Variants in HCN1 observed in about 807,000 individuals in gnomAD.
HCN1 encodes the protein potassium/sodium hyperpolarization-activated cyclic nucleotide-gated channel 1.
A neutral mutation model predicts 78.9 loss-of-function variants in HCN1; 13 were observed. That is an observed-to-expected ratio of 0.16 (90% CI 0.11 to 0.26). The LOEUF is 0.26. HCN1 is among the 10% of genes least tolerant of loss of function. HCN1 has a pLI of 1.00. For synonymous variants in HCN1, 552 were observed against 455.5 expected, an observed-to-expected ratio of 1.21 and a Z score of -2.70; for missense variants, 810 against 1,154.3, an observed-to-expected ratio of 0.70 and a Z score of 4.32.
intron 6 of HCN1, among the ~76,000 whole-genome samples, chr5:45,290,185 C>A (rs1186460386): frequency 1.3e-5 from 2 of 151,998 alleles, no homozygotes; most frequent in African/African-American, 4.8e-5. Flanking sequence ...TTCTCCTTTG[C>A]CTTCTACCAT....
intron 5 of HCN1, among the ~76,000 whole-genome samples, chr5:45,343,275 T>C (rs1746622166): frequency 6.6e-6 from 1 of 152,188 alleles, no homozygotes. Context: ...CAATTTATAA[T>C]GCAAAGACTG....
At chr5:45,446,152 C>A (rs535375629) in intron 3 of HCN1, among the ~76,000 whole-genome samples, 30 of 152,096 alleles carry the variant, frequency 2.0e-4, no homozygotes, top group Admixed American at 7.2e-4. Flanking sequence ...AAAATTTAGA[C>A]GAATGTATAA....
At chr5:45,664,744 C>G (rs1211284966) in intron 1 of HCN1, among the ~76,000 whole-genome samples, 9 of 148,934 alleles carry the variant, frequency 6.0e-5, no homozygotes, top group Admixed American at 2.7e-4. Flanking sequence ...CAAAACCACA[C>G]TGAGATACCA....
chr5:45,262,205 C>T lies in HCN1; in HGVS notation c.2389G>A (p.Val797Met). 1 of 1,614,038 alleles carries T rather than the reference C, an allele frequency of 6.2e-7. No homozygotes were observed. Among genetic ancestry groups the T allele is most frequent in the South Asian group, 1.1e-5 (1 of 91,090 alleles). Residue 797 changes from valine to methionine, a missense_variant, in exon 8 of 8, where the codon GTG (valine) becomes ATG (methionine). Val to Met is a conservative substitution (Grantham distance 21). Around this residue, in one of 6 missense-constraint regions of HCN1, gnomAD observed 398 missense variants for 381.3 expected, o/e 1.04. Transcript: ENST00000303230. ...TGAGGTCTGGAAATCAGAGTGGACA[C>T]CTCATGGGGCAGCGAGGGCTGCGAG... The part of the protein sequence containing the change: ...SASQPSLPHE[V>M]STLISRPHPT...
At chr5:45,373,731 G>A (rs1414896580) in intron 4 of HCN1, among the ~76,000 whole-genome samples, 6 of 112,124 alleles carry the variant, frequency 5.4e-5, no homozygotes, top group African/African-American at 1.8e-4. Flanking sequence ...CGGTATATAC[G>A]TCATCTATAA....
chr5:45,541,565 G>T (rs1172322260), intron 2 of HCN1, among the ~76,000 whole-genome samples: 3 of 151,744 alleles, frequency 2.0e-5, no homozygotes, highest in African/African-American at 7.3e-5. Flanking sequence ...TTTATTTTTT[G>T]TCTGTCATTC....
intron 2 of HCN1, among the ~76,000 whole-genome samples, chr5:45,520,843 A>T (rs1742599939): frequency 6.6e-6 from 1 of 152,014 alleles, no homozygotes; most frequent in South Asian, 2.1e-4. Context: ...GCAAGTCATT[A>T]TAATATAATA....
intron 6 of HCN1, among the ~76,000 whole-genome samples, chr5:45,286,020 TA>T (rs199810488): frequency 7.9e-5 from 12 of 151,070 alleles, no homozygotes; most frequent in East Asian, 7.8e-4. Context: ...GTTAAGGAAC[TA>T]AAAAAAAACT....
intron 3 of HCN1, among the ~76,000 whole-genome samples, chr5:45,398,958 C>T (rs1319788773): frequency 6.6e-6 from 1 of 152,162 alleles, no homozygotes; most frequent in Non-Finnish European, 1.5e-5. Context: ...CATGTGTAAA[C>T]ATTTATTTTG....
intron 2 of HCN1, among the ~76,000 whole-genome samples, chr5:45,508,637 A>C (rs951901767): frequency 2.0e-5 from 3 of 152,142 alleles, no homozygotes; most frequent in Admixed American, 1.3e-4. Context: ...CAATGAAAAA[A>C]ACTGACATTT....
chr5:45,477,370 TCACAAACTAAAGTAC>T (rs1029804596), intron 2 of HCN1, among the ~76,000 whole-genome samples: 2 of 152,076 alleles, frequency 1.3e-5, no homozygotes, highest in African/African-American at 4.8e-5. Context: ...AGAAGAAATA[TCACAAACTAAAGTAC>T]CTAAAAATGT....
intron 2 of HCN1, among the ~76,000 whole-genome samples, chr5:45,470,030 T>C (rs1013742680): frequency 1.3e-5 from 2 of 151,962 alleles, no homozygotes; most frequent in Non-Finnish European, 2.9e-5. Flanking sequence ...GTGAACTCTA[T>C]AGGGGAGATA....
chr5:45,359,954 T>C (rs1259139392), intron 4 of HCN1, among the ~76,000 whole-genome samples: 2 of 150,784 alleles, frequency 1.3e-5, no homozygotes, highest in African/African-American at 4.9e-5. Context: ...TATATATATA[T>C]ATATATTTTT....
intron 2 of HCN1, among the ~76,000 whole-genome samples, chr5:45,553,067 C>T (rs2111858994): frequency 6.6e-6 from 1 of 152,012 alleles, no homozygotes; most frequent in Middle Eastern, 3.4e-3. Context: ...TTTCCCTGAA[C>T]TCTGCTTATT....
chr5:45,521,552 T>C (rs1742615077), intron 2 of HCN1, among the ~76,000 whole-genome samples: 1 of 151,964 alleles, frequency 6.6e-6, no homozygotes, highest in Non-Finnish European at 1.5e-5. Flanking sequence ...CTTTCATCTG[T>C]GTCTTTGTGT....
chr5:45,262,691 C>T lies in HCN1; in HGVS notation c.1903G>A (p.Ala635Thr), dbSNP rs749983867. ...TGAGGATAATTGATGGGAGCGATTG[C>T]CTGCACCATCTCCCTGTCATGTTTC... is the stretch of plus-strand genomic sequence containing the variant. ...IVKHDREMVQ[A>T]IAPINYPQMT... is the part of the protein sequence containing the mutation. Residue 635 changes from alanine (A) to threonine (T), a missense_variant, in exon 8 of 8, where the codon GCA becomes ACA. This residue lies in a region of HCN1 where 398 missense variants were observed against 381.3 expected (regional missense o/e 1.04). Coordinates refer to ENST00000303230, the MANE Select transcript of HCN1 (RefSeq NM_021072.4). 1.9e-6 allele frequency: 3 copies of T among 1,614,042 alleles called. No individual in the cohort carries two copies. Among genetic ancestry groups the T allele is most frequent in the South Asian group, 1.1e-5 (1 of 91,076 alleles).
intron 2 of HCN1, among the ~76,000 whole-genome samples, chr5:45,609,213 C>T (rs1450768844): frequency 2.0e-5 from 3 of 152,068 alleles, no homozygotes; most frequent in African/African-American, 7.2e-5. Context: ...TGCAATTCTA[C>T]TCTTAGGTAT....
At chr5:45,563,024 A>G (rs963310796) in intron 2 of HCN1, among the ~76,000 whole-genome samples, 7 of 152,256 alleles carry the variant, frequency 4.6e-5, no homozygotes, top group Admixed American at 6.5e-5. Flanking sequence ...AAACAAATTC[A>G]TATAAACAAA....
At chr5:45,540,685 T>A (rs985703190) in intron 2 of HCN1, among the ~76,000 whole-genome samples, 1 of 152,188 alleles carries the variant, frequency 6.6e-6, no homozygotes, top group Non-Finnish European at 1.5e-5. Flanking sequence ...TTCCATGTAT[T>A]TCATAATATG....
Sources: gnomAD v4.1 joint callset for allele counts (sites outside exome capture counted in the v4.1 genomes callset) on GRCh38, gnomAD v4.1.1 for gene constraint, gnomAD v4.1.1 regional missense constraint, MANE v1.5 for transcripts, NCBI Gene and HGNC (gene_info 2026-07-23, HGNC 2026-07-21) for gene names.